The following IQSEC2 variants were observed in gnomAD, a reference collection of about 807,000 sequenced individuals.
The protein encoded by IQSEC2 is IQ motif and SEC7 domain-containing protein 2.
In IQSEC2, 6 loss-of-function variants were observed where a neutral mutation model predicts 74.6. That is an observed-to-expected ratio of 0.08 (90% confidence interval 0.04 to 0.16). IQSEC2 has a LOEUF of 0.16. Ranked by LOEUF, IQSEC2 falls within the 10% of genes least tolerant of loss-of-function variation. The pLI is 1.00. For synonymous variants in IQSEC2, 494 were observed against 544.5 expected (o/e 0.91, Z 1.29); for missense variants, 734 against 1,306.2 (o/e 0.56, Z 6.75).
rs184248834 is a variant in IQSEC2 at position 53,241,915 on chromosome X, C to T, written c.2890-6G>A. ...CGGTGAGGGAGAGACAGGACCTAGA[C>T]AGGCATGAAGAAACAGGTGTCAGCA... On this transcript the variant is annotated splice_region_variant and splice_polypyrimidine_tract_variant and intron_variant, in intron 9 of 14. Transcript: ENST00000642864. 50 of 1,205,627 alleles carry T rather than the reference C, an allele frequency of 4.1e-5. 1 individual carries two copies. In the African/African-American group the frequency reaches 6.1e-4, roughly 15 times the overall value.
intron 2 of IQSEC2, among the ~76,000 whole-genome samples, chrX:53,257,117 G>A (rs2074486381): frequency 8.9e-6 from 1 of 111,747 alleles, no homozygotes; most frequent in South Asian, 3.7e-4. Flanking sequence ...GGTGTGGCTG[G>A]GACCCAGAGA....
chrX:53,279,671 C>A, intron 2 of IQSEC2: 1 of 1,061,660 alleles, frequency 9.4e-7, no homozygotes, highest in Non-Finnish European at 1.3e-6. Context: ...TGAGAGACAG[C>A]AAGAGACAGA....
intron 2 of IQSEC2, among the ~76,000 whole-genome samples, chrX:53,277,918 AC>A (rs1486859826): frequency 9.6e-6 from 1 of 103,676 alleles, no homozygotes; most frequent in Non-Finnish European, 2.0e-5. Flanking sequence ...TGATCCACCC[AC>A]CTTGGCCTCC....
intron 2 of IQSEC2, chrX:53,281,686 C>T: frequency 1.8e-6 from 1 of 558,648 alleles, no homozygotes. Flanking sequence ...GCTCCTTCCC[C>T]TACTCCTCCA....
At chrX:53,286,939 C>CAAAAAAAAAAAAAAAAAAAAA (rs11464309) in intron 2 of IQSEC2, among the ~76,000 whole-genome samples, 1 of 58,432 alleles carries the variant, frequency 1.7e-5, no homozygotes, top group Non-Finnish European at 2.9e-5. Context: ...GTATCCGGCT[C>CAAAAAAAAAAAAAAAAAAAAA]AAAAAAAAAA....
At chrX:53,319,508 G>C (rs1382252641) in intron 1 of IQSEC2, among the ~76,000 whole-genome samples, 1 of 111,781 alleles carries the variant, frequency 8.9e-6, no homozygotes, top group African/African-American at 3.3e-5. Flanking sequence ...CTTCGAATAC[G>C]GCAGAAAAGA....
At chrX:53,316,383 C>G (rs1205977185) in intron 1 of IQSEC2, among the ~76,000 whole-genome samples, 1 of 111,242 alleles carries the variant, frequency 9.0e-6, no homozygotes. Context: ...GGAAAAGTAC[C>G]CAAGACCCCA....
At chrX:53,250,128 A>G (rs2074362936) in intron 5 of IQSEC2, 151 bp downstream of exon 5, 10 of 693,018 alleles carry the variant, frequency 1.4e-5, no homozygotes, top group South Asian at 7.3e-5. Flanking sequence ...CCTGTTGCCA[A>G]TCCTCTTCCC....
At chrX:53,286,668 G>A (rs191324441) in intron 2 of IQSEC2, among the ~76,000 whole-genome samples, 274 of 111,579 alleles carry the variant, frequency 2.5e-3, no homozygotes, top group Admixed American at 7.0e-3. Context: ...TAGGCTGGGC[G>A]CGGTGGCTCA....
chrX:53,239,099 T>C, intron 11 of IQSEC2, 96 bp downstream of exon 11: 1 of 678,873 alleles, frequency 1.5e-6, no homozygotes, highest in South Asian at 2.2e-5. Flanking sequence ...AGTCCGGTTG[T>C]AAGGGACTCC....
At chrX:53,248,671 T>C in intron 6 of IQSEC2, 50 bp downstream of exon 6, 1 of 1,183,360 alleles carries the variant, frequency 8.5e-7, no homozygotes, top group Non-Finnish European at 1.1e-6. Flanking sequence ...CCTCTTGCTG[T>C]CCTTTTCCAG....
intron 2 of IQSEC2, among the ~76,000 whole-genome samples, chrX:53,273,896 G>A (rs1475027235): frequency 2.7e-5 from 3 of 112,448 alleles, no homozygotes; most frequent in Non-Finnish European, 5.6e-5. Flanking sequence ...ATGCTGCACT[G>A]AACATCTCTG....
chrX:53,279,552 T>C, intron 2 of IQSEC2: 1 of 1,107,638 alleles, frequency 9.0e-7, no homozygotes. Context: ...GAGGGATGGG[T>C]CTAGCTCTTA....
chrX:53,271,384 C>T (rs904140355), intron 2 of IQSEC2, among the ~76,000 whole-genome samples: 3 of 112,011 alleles, frequency 2.7e-5, no homozygotes, highest in Non-Finnish European at 1.9e-5. Flanking sequence ...ACTAAGGACT[C>T]TGGATGCTGG....
intron 2 of IQSEC2, among the ~76,000 whole-genome samples, chrX:53,278,974 G>C (rs782169762): frequency 8.1e-5 from 9 of 111,760 alleles, no homozygotes; most frequent in African/African-American, 2.9e-4. Context: ...TCAGGAGTTC[G>C]AGACCAGCCT....
In IQSEC2 at chrX:53,292,060, C is replaced by G. The variant is rs368025267; in HGVS notation, c.708-136G>C. Reference sequence around the variant, plus strand: ...AAATGAGGGGAAGGGTTATTTCATGCGGAGAGAAGAGAATAGCAAGTGCAA... The same window carrying G: ...AAATGAGGGGAAGGGTTATTTCATGGGGAGAGAAGAGAATAGCAAGTGCAA... On this transcript the variant is annotated intron_variant, in intron 1 of 14. Coordinates refer to ENST00000642864, the MANE Select transcript of IQSEC2 (RefSeq NM_001111125.3). The G allele has an allele frequency of 3.6e-5, 18 of 500,797 alleles. No individual in the cohort carries two copies. The African/African-American group carries it at 4.3e-4, about 12-fold the overall frequency. 41.3% of individuals were successfully genotyped at this position (500,797 alleles called of 1,213,427 possible).
intron 2 of IQSEC2, chrX:53,279,505 A>T (rs2074905757): frequency 2.7e-6 from 2 of 727,707 alleles, no homozygotes; most frequent in East Asian, 6.4e-5. Context: ...GCTGGCAATG[A>T]CACTGTATAT....
At chrX:53,281,237 G>A (rs2074956504) in intron 2 of IQSEC2, among the ~76,000 whole-genome samples, 1 of 112,691 alleles carries the variant, frequency 8.9e-6, no homozygotes, top group African/African-American at 3.2e-5. Flanking sequence ...TAGTAGAGCA[G>A]GGTAGGAGCC....
At chrX:53,239,830 T>C (rs1026270901) in intron 10 of IQSEC2, among the ~76,000 whole-genome samples, 1 of 112,174 alleles carries the variant, frequency 8.9e-6, no homozygotes, top group Admixed American at 9.5e-5. Flanking sequence ...ACTTGGGCAC[T>C]CTGGACTCAA....
Sources: allele counts gnomAD v4.1 joint callset (sites outside exome capture counted in the v4.1 genomes callset), GRCh38; gene constraint gnomAD v4.1.1; transcripts MANE v1.5; gene names NCBI Gene and HGNC (gene_info 2026-07-23, HGNC 2026-07-21).